Variants in CRADD observed in about 807,000 individuals in gnomAD.
CRADD encodes the protein death domain-containing protein CRADD.
Under a neutral mutation model 15.5 loss-of-function variants are expected in CRADD, and 9 were observed. That is an observed-to-expected ratio of 0.58 (90% CI 0.35 to 1.01). CRADD has a LOEUF of 1.01. CRADD is among the 50% of genes least tolerant of loss of function. CRADD has a pLI of 0.02. For synonymous variants in CRADD, 118 were observed against 107.6 expected, an observed-to-expected ratio of 1.10 and a Z score of -0.60; for missense variants, 227 against 250.3, an observed-to-expected ratio of 0.91 and a Z score of 0.63.
At chr12:93,721,137 C>T (rs778758108) in intron 2 of CRADD, among the ~76,000 whole-genome samples, 1 of 152,018 alleles carries the variant, frequency 6.6e-6, no homozygotes, top group Non-Finnish European at 1.5e-5. Flanking sequence ...ACTGTGTTGC[C>T]CAGGCAGGTC....
At chr12:93,840,887 T>C (rs1385251745) in intron 2 of CRADD, among the ~76,000 whole-genome samples, 1 of 152,188 alleles carries the variant, frequency 6.6e-6, no homozygotes, top group Non-Finnish European at 1.5e-5. Flanking sequence ...TTCCACAGTA[T>C]TGGATCTTAT....
At chr12:93,876,413 C>T (rs1457032213) in intron 2 of CRADD, among the ~76,000 whole-genome samples, 1 of 152,134 alleles carries the variant, frequency 6.6e-6, no homozygotes, top group African/African-American at 2.4e-5. Flanking sequence ...ACTTTCTACC[C>T]CTATCTCTTT....
intron 2 of CRADD, among the ~76,000 whole-genome samples, chr12:93,698,712 A>T (rs1301880751): frequency 6.6e-6 from 1 of 152,188 alleles, no homozygotes; most frequent in Non-Finnish European, 1.5e-5. Context: ...AGCTTCTGCC[A>T]GTGTCATTTT....
intron 2 of CRADD, among the ~76,000 whole-genome samples, chr12:93,858,383 C>T (rs565828846): frequency 8.5e-5 from 13 of 152,154 alleles, no homozygotes; most frequent in Non-Finnish European, 1.8e-4. Context: ...GTATGCAAAG[C>T]CTGTGTGGTC....
intron 2 of CRADD, among the ~76,000 whole-genome samples, chr12:93,777,014 G>C (rs1957147252): frequency 6.6e-6 from 1 of 152,172 alleles, no homozygotes; most frequent in African/African-American, 2.4e-5. Context: ...TACTTTAAAT[G>C]GGTGAATTTT....
chr12:93,707,544 G>T (rs915360098), intron 2 of CRADD, among the ~76,000 whole-genome samples: 1 of 152,140 alleles, frequency 6.6e-6, no homozygotes, highest in Admixed American at 6.5e-5. Flanking sequence ...TTTCAGCATG[G>T]GAGCTGGGTT....
intron 2 of CRADD, among the ~76,000 whole-genome samples, chr12:93,859,689 T>G (rs1295655108): frequency 2.0e-5 from 3 of 152,090 alleles, no homozygotes; most frequent in Admixed American, 6.5e-5. Flanking sequence ...GATGGCTGTT[T>G]CTTTTGAAAC....
intron 2 of CRADD, among the ~76,000 whole-genome samples, chr12:93,886,218 G>A (rs918469277): frequency 1.4e-5 from 2 of 146,334 alleles, no homozygotes; most frequent in South Asian, 2.2e-4. Flanking sequence ...AGGCTGGAGC[G>A]CAGTCACATA....
chr12:93,717,640 C>T (rs1956185195), intron 2 of CRADD, among the ~76,000 whole-genome samples: 1 of 152,184 alleles, frequency 6.6e-6, no homozygotes, highest in African/African-American at 2.4e-5. Context: ...CCTGCCTCAG[C>T]CTCTCAAGTA....
At chr12:93,679,262 C>G (rs1336552010) in intron 2 of CRADD, among the ~76,000 whole-genome samples, 190 bp downstream of exon 2, 1 of 152,134 alleles carries the variant, frequency 6.6e-6, no homozygotes, top group Admixed American at 6.5e-5. Context: ...TTGCTTCAGC[C>G]TCCCGAGTTG....
chr12:93,771,349 C>G (rs1213532848), intron 2 of CRADD, among the ~76,000 whole-genome samples: 2 of 152,136 alleles, frequency 1.3e-5, no homozygotes, highest in African/African-American at 4.8e-5. Flanking sequence ...ACTGTATTTT[C>G]CATTTGAATT....
rs150276530 is a variant in CRADD at position 93,845,267 on chromosome 12, G to C, written c.299-4703G>C. Among the ~76,000 whole-genome samples, 66 of 152,336 alleles carry C rather than the reference G, an allele frequency of 4.3e-4. No individual in the cohort carries two copies. The East Asian group carries it at 9.8e-3, about 23-fold the overall frequency. Reference sequence around the variant, plus strand: ...TAGCTCAGAGGTAGAACGACACCTGGTTCCCTATAAAGTGAGGAGAGTGTC... The same window carrying C: ...TAGCTCAGAGGTAGAACGACACCTGCTTCCCTATAAAGTGAGGAGAGTGTC... On this transcript the variant is annotated intron_variant, in intron 2 of 2. Coordinates refer to ENST00000332896, the MANE Select transcript of CRADD (RefSeq NM_003805.5).
rs139701504 is a variant in CRADD at position 93,892,797 on chromosome 12, C to T, written c.299-1253C>T. 3.0e-4 allele frequency among the ~76,000 whole-genome samples: 45 copies of T among 152,292 alleles called. No homozygotes were observed. In the East Asian group the frequency reaches 8.7e-3, roughly 29 times the overall value. On this transcript the variant is annotated intron_variant, in intron 2 of 2. Transcript: ENST00000548483. ...TCACCCCATCTGCTCTCCCGTGCTC[C>T]CCCTCCAGCCCTGTTGGCCACTAGG...
At chr12:93,874,590 G>A (rs866818799) in intron 2 of CRADD, among the ~76,000 whole-genome samples, 3 of 151,788 alleles carry the variant, frequency 2.0e-5, no homozygotes, top group African/African-American at 7.3e-5. Context: ...TTCCCTCTTA[G>A]TACTAATTTT....
chr12:93,693,233 A>C (rs1447673448), intron 2 of CRADD, among the ~76,000 whole-genome samples: 2 of 152,144 alleles, frequency 1.3e-5, no homozygotes, highest in South Asian at 2.1e-4. Flanking sequence ...CAGAAGCAAG[A>C]CCTTATCATT....
intron 2 of CRADD, among the ~76,000 whole-genome samples, chr12:93,797,885 C>T (rs1957437058): frequency 6.6e-6 from 1 of 152,158 alleles, no homozygotes; most frequent in African/African-American, 2.4e-5. Flanking sequence ...CAGTTCCTGC[C>T]TTTAGGGGGC....
At chr12:93,721,332 TG>T (rs1956258554) in intron 2 of CRADD, among the ~76,000 whole-genome samples, 1 of 152,214 alleles carries the variant, frequency 6.6e-6, no homozygotes, top group Non-Finnish European at 1.5e-5. Context: ...TACTAATACA[TG>T]GGCAGTGTAT....
rs994356814 is a variant in CRADD, at chr12:93,822,778, A to G, written c.299-27192A>G. ...AAAGTATATCTAAGAACTTCTGCATATATTAACACTCTGTAATGATTAAGC... is the reference window on the plus strand; with the variant it reads ...AAAGTATATCTAAGAACTTCTGCATGTATTAACACTCTGTAATGATTAAGC... On this transcript the variant is annotated intron_variant, in intron 2 of 2. Coordinates refer to ENST00000332896, the MANE Select transcript of CRADD (RefSeq NM_003805.5). 3.3e-5 allele frequency among the ~76,000 whole-genome samples: 5 copies of G among 152,208 alleles called. No homozygotes were observed. The South Asian group carries it at 8.3e-4, about 25-fold the overall frequency.
At chr12:93,860,625 G>C (rs1268023346) in intron 2 of CRADD, among the ~76,000 whole-genome samples, 1 of 152,156 alleles carries the variant, frequency 6.6e-6, no homozygotes, top group African/African-American at 2.4e-5. Context: ...GGAGGGAGCC[G>C]TGCTGAGGCC....
Sources: allele counts gnomAD v4.1 joint callset (sites outside exome capture counted in the v4.1 genomes callset), GRCh38; gene constraint gnomAD v4.1.1; transcripts MANE v1.5; gene names NCBI Gene and HGNC (gene_info 2026-07-23, HGNC 2026-07-21).